CCDC30: variants seen among roughly 807,000 people sequenced by gnomAD.
CCDC30 encodes coiled-coil domain-containing protein 30.
A neutral mutation model predicts 100.2 loss-of-function variants in CCDC30; 70 were observed. The observed-to-expected ratio is 0.70, with a 90% CI of 0.58 to 0.85. The LOEUF is 0.85. Among genes scored for constraint, CCDC30 ranks in the 40% least tolerant of loss-of-function variants. CCDC30 has a pLI of 0.00. For synonymous variants in CCDC30, 233 were observed against 269.5 expected, an observed-to-expected ratio of 0.86 and a Z score of 1.33; for missense variants, 652 against 771.2, an observed-to-expected ratio of 0.85 and a Z score of 1.83.
chr1:42,459,473 C>T (rs1295467979), upstream of CCDC30: 20 of 838,968 alleles, frequency 2.4e-5, no homozygotes, highest in Non-Finnish European at 3.5e-5. Context: ...ACTTTTTAAA[C>T]TAAACATTTA....
At chr1:42,593,457 A>C (rs1376103037) in intron 10 of CCDC30, 2 of 152,154 alleles carry the variant, frequency 1.3e-5, no homozygotes, top group Non-Finnish European at 2.9e-5. Context: ...AAGCTCCCTA[A>C]ACCCTGTCCT....
chr1:42,560,604 C>G (rs1645467331), intron 6 of CCDC30, among the ~76,000 whole-genome samples: 1 of 152,076 alleles, frequency 6.6e-6, no homozygotes, highest in Admixed American at 6.6e-5. Context: ...CACCTGACCT[C>G]ATGATCCTCC....
intron 10 of CCDC30, among the ~76,000 whole-genome samples, chr1:42,605,969 T>A (rs942109733): frequency 1.3e-5 from 2 of 152,186 alleles, no homozygotes; most frequent in African/African-American, 4.8e-5. Context: ...TGCCAGAATT[T>A]AAAAAAACTT....
chr1:42,480,601 G>C, intron 2 of CCDC30, 35 bp downstream of exon 2: 1 of 985,018 alleles, frequency 1.0e-6, no homozygotes, highest in Non-Finnish European at 1.2e-6. Flanking sequence ...TGACATTTTT[G>C]TTCATGAAGA....
At chr1:42,582,059 C>CAAA (rs770972866) in intron 9 of CCDC30, among the ~76,000 whole-genome samples, 8 of 99,078 alleles carry the variant, frequency 8.1e-5, no homozygotes, top group African/African-American at 7.1e-5. Context: ...TTGTCTATAC[C>CAAA]AAAAAAAAAA....
intron 6 of CCDC30, among the ~76,000 whole-genome samples, chr1:42,502,600 T>C (rs974306730): frequency 6.6e-6 from 1 of 152,200 alleles, no homozygotes; most frequent in Non-Finnish European, 1.5e-5. Flanking sequence ...TCGGCCATCT[T>C]GGAACCTCCC....
At chr1:42,520,667 G>A (rs1331624126) in intron 6 of CCDC30, among the ~76,000 whole-genome samples, 1 of 108,288 alleles carries the variant, frequency 9.2e-6, no homozygotes, top group African/African-American at 3.6e-5. Context: ...TTGAGACAGA[G>A]TCTCACTCTG....
At chr1:42,588,308 A>C (rs1410796677) in intron 9 of CCDC30, among the ~76,000 whole-genome samples, 1 of 152,150 alleles carries the variant, frequency 6.6e-6, no homozygotes, top group Non-Finnish European at 1.5e-5. Context: ...GGGTGGAGGG[A>C]AAATTTCCCC....
At chr1:42,600,486 GCAGATTA>G (rs1199134145) in intron 10 of CCDC30, among the ~76,000 whole-genome samples, 1 of 152,110 alleles carries the variant, frequency 6.6e-6, no homozygotes, top group Non-Finnish European at 1.5e-5. Flanking sequence ...CCCAACAACA[GCAGATTA>G]CACATTCTTC....
intron 13 of CCDC30, among the ~76,000 whole-genome samples, chr1:42,643,657 A>T (rs796611119): frequency 1.4e-5 from 2 of 144,798 alleles, no homozygotes; most frequent in African/African-American, 4.9e-5. Context: ...TCTTCCAAGG[A>T]GTATTTCCTC....
At chr1:42,626,731 A>G (rs189604483) in intron 11 of CCDC30, among the ~76,000 whole-genome samples, 1 of 152,120 alleles carries the variant, frequency 6.6e-6, no homozygotes, top group East Asian at 1.9e-4. Flanking sequence ...ATGAGATCTG[A>G]TGGGTTTATC....
At chr1:42,482,888 T>TTA in intron 3 of CCDC30, 72 bp downstream of exon 3, 1 of 998,982 alleles carries the variant, frequency 1.0e-6, no homozygotes, top group Non-Finnish European at 1.3e-6. Flanking sequence ...GGGTGGAACA[T>TTA]GAGAAAAAAA....
intron 11 of CCDC30, among the ~76,000 whole-genome samples, chr1:42,616,766 C>T (rs1051194640): frequency 6.6e-6 from 1 of 152,164 alleles, no homozygotes; most frequent in African/African-American, 2.4e-5. Context: ...CCAATAGTAG[C>T]GACAAATAGC....
chr1:42,547,361 T>A (rs987470444), intron 6 of CCDC30, among the ~76,000 whole-genome samples: 6 of 152,098 alleles, frequency 3.9e-5, no homozygotes, highest in Non-Finnish European at 8.8e-5. Flanking sequence ...TATATATGAG[T>A]GATAGATGAA....
chr1:42,578,456 T>C (rs975020434), intron 8 of CCDC30, among the ~76,000 whole-genome samples: 19 of 152,230 alleles, frequency 1.2e-4, no homozygotes, highest in African/African-American at 4.3e-4. Context: ...TCAGATTTCA[T>C]TGAGTACACT....
chr1:42,562,795 A>T (rs1645519436), intron 6 of CCDC30, among the ~76,000 whole-genome samples: 1 of 152,218 alleles, frequency 6.6e-6, no homozygotes, highest in South Asian at 2.1e-4. Context: ...TGGGTGAAGG[A>T]TATGAACAGA....
intron 11 of CCDC30, among the ~76,000 whole-genome samples, chr1:42,628,809 A>G (rs1444376805): frequency 6.6e-6 from 1 of 152,182 alleles, no homozygotes; most frequent in Non-Finnish European, 1.5e-5. Flanking sequence ...TTGAGTATGT[A>G]TTTATCAGCA....
At chr1:42,628,023 C>A (rs1302692426) in intron 11 of CCDC30, among the ~76,000 whole-genome samples, 1 of 152,164 alleles carries the variant, frequency 6.6e-6, no homozygotes, top group Non-Finnish European at 1.5e-5. Flanking sequence ...GGAAGAGCCA[C>A]AGACACTCAA....
intron 11 of CCDC30, among the ~76,000 whole-genome samples, chr1:42,614,805 A>G (rs943512882): frequency 4.6e-5 from 7 of 151,578 alleles, no homozygotes; most frequent in East Asian, 1.9e-4. Context: ...AAAAAAAGAT[A>G]CAGAATATTT....
Sources: allele counts gnomAD v4.1 joint callset (sites outside exome capture counted in the v4.1 genomes callset), GRCh38; gene constraint gnomAD v4.1.1; transcripts MANE v1.5; gene names NCBI Gene and HGNC (gene_info 2026-07-23, HGNC 2026-07-21).